SOX5: variants seen among roughly 807,000 people sequenced by gnomAD.
The protein encoded by SOX5 is transcription factor SOX-5.
A neutral mutation model predicts 92.0 loss-of-function variants in SOX5; 9 were observed. That is an observed-to-expected ratio of 0.10 (90% CI 0.06 to 0.17). The LOEUF (loss-of-function observed/expected upper bound fraction) is 0.17. Ranked by LOEUF, SOX5 falls within the 10% of genes least tolerant of loss-of-function variation. The pLI is 1.00. For missense variants in SOX5, 642 were observed against 944.5 expected (o/e 0.68, Z 4.20); for synonymous variants, 344 against 336.3 (o/e 1.02, Z -0.25).
chr12:24,129,419 C>G (rs1322830733), intron 4 of SOX5, among the ~76,000 whole-genome samples: 1 of 152,058 alleles, frequency 6.6e-6, no homozygotes. Context: ...TGATCAAAAC[C>G]CCTTTTCTTT....
At chr12:24,150,859 A>T (rs1951582173) in intron 4 of SOX5, among the ~76,000 whole-genome samples, 1 of 152,014 alleles carries the variant, frequency 6.6e-6, no homozygotes, top group Non-Finnish European at 1.5e-5. Flanking sequence ...CTGGTGGCAA[A>T]GGCAAGATCT....
chr12:23,605,183 G>A (rs1676387752), intron 8 of SOX5, among the ~76,000 whole-genome samples: 1 of 151,898 alleles, frequency 6.6e-6, no homozygotes, highest in South Asian at 2.1e-4. Context: ...AAAGAATACT[G>A]CCTAAAACAC....
At chr12:23,598,688 C>T (rs987063038) in intron 9 of SOX5, among the ~76,000 whole-genome samples, 15 of 152,162 alleles carry the variant, frequency 9.9e-5, no homozygotes, top group African/African-American at 2.9e-4. Context: ...TGTGAGCCAA[C>T]GCACCCGGCC....
chr12:23,667,157 CA>C (rs2139466508), intron 6 of SOX5, among the ~76,000 whole-genome samples: 1 of 151,890 alleles, frequency 6.6e-6, no homozygotes, highest in African/African-American at 2.4e-5. Context: ...GAGAGAAAAG[CA>C]ATATGTGAAT....
chr12:24,404,494 C>T (rs986287915), intron 1 of SOX5, among the ~76,000 whole-genome samples: 3 of 152,144 alleles, frequency 2.0e-5, no homozygotes, highest in African/African-American at 7.2e-5. Context: ...TTGTGCAAGG[C>T]TTGCTGTTCT....
At chr12:24,134,959 A>T (rs1041037080) in intron 4 of SOX5, among the ~76,000 whole-genome samples, 4 of 152,168 alleles carry the variant, frequency 2.6e-5, no homozygotes, top group Non-Finnish European at 5.9e-5. Flanking sequence ...AAAAGTTAAA[A>T]TCTGTCCTGG....
chr12:23,765,385 CAAAAAAAAAAAA>C (rs373571301), intron 3 of SOX5, among the ~76,000 whole-genome samples: 4 of 31,432 alleles, frequency 1.3e-4, no homozygotes, highest in Non-Finnish European at 2.0e-4. Context: ...TGTAAAACAG[CAAAAAAAAAAAA>C]AAAAAAAAAA....
intron 4 of SOX5, among the ~76,000 whole-genome samples, chr12:23,987,826 C>T (rs1950202026): frequency 6.6e-6 from 1 of 152,106 alleles, no homozygotes; most frequent in Middle Eastern, 3.4e-3. Flanking sequence ...TTCTAAGACA[C>T]ATGGTAAAAT....
At chr12:24,494,106 C>T (rs929920542) in intron 1 of SOX5, among the ~76,000 whole-genome samples, 1 of 152,238 alleles carries the variant, frequency 6.6e-6, no homozygotes, top group Non-Finnish European at 1.5e-5. Context: ...TTCAGCCTTA[C>T]AAAAGGATAG....
intron 1 of SOX5, among the ~76,000 whole-genome samples, chr12:23,942,906 CACTT>C (rs1366769276): frequency 2.0e-5 from 3 of 152,022 alleles, no homozygotes; most frequent in Non-Finnish European, 4.4e-5. Flanking sequence ...TTCTAAAACA[CACTT>C]TCTTTCAAAG....
intron 3 of SOX5, among the ~76,000 whole-genome samples, chr12:24,239,065 G>C (rs1594686575): frequency 6.6e-6 from 1 of 152,048 alleles, no homozygotes; most frequent in African/African-American, 2.4e-5. Context: ...TTTTGGTCAG[G>C]GTGAGACAAA....
intron 2 of SOX5, among the ~76,000 whole-genome samples, chr12:23,868,084 C>T (rs1233101697): frequency 6.6e-6 from 1 of 151,400 alleles, no homozygotes. Flanking sequence ...TCCCTCTCTC[C>T]CTCCTTCCTT....
At chr12:24,102,791 T>A (rs1946239246) in intron 4 of SOX5, among the ~76,000 whole-genome samples, 1 of 152,250 alleles carries the variant, frequency 6.6e-6, no homozygotes, top group Non-Finnish European at 1.5e-5. Context: ...TTGAATGAAG[T>A]ACAGGGCAGT....
chr12:24,370,478 A>AAAAAAAAG, intron 1 of SOX5, among the ~76,000 whole-genome samples: 1 of 145,160 alleles, frequency 6.9e-6, no homozygotes. Flanking sequence ...CTCCGTCTCA[A>AAAAAAAAG]AAAAAAAAAA....
At chr12:24,281,951 TTCCTCGATGCGATTTCCGGGGCA>T (rs1945257007) in intron 2 of SOX5, among the ~76,000 whole-genome samples, 1 of 135,186 alleles carries the variant, frequency 7.4e-6, no homozygotes, top group South Asian at 2.3e-4. Flanking sequence ...GAAAACTGTG[TTCCTCGATGCGATTTCCGGGGCA>T]TCACCTACTC....
intron 2 of SOX5, among the ~76,000 whole-genome samples, chr12:24,358,634 T>A (rs1221316922): frequency 1.3e-5 from 2 of 152,012 alleles, no homozygotes; most frequent in Admixed American, 6.6e-5. Flanking sequence ...AATTGTCCTT[T>A]CACTGTCTTC....
chr12:24,207,041 A>G (rs1958093031), intron 4 of SOX5, among the ~76,000 whole-genome samples: 1 of 152,232 alleles, frequency 6.6e-6, no homozygotes, highest in Non-Finnish European at 1.5e-5. Context: ...ACTTCTGTCC[A>G]AAAACTTCTC....
intron 4 of SOX5, among the ~76,000 whole-genome samples, chr12:24,187,864 A>C (rs1169616584): frequency 1.3e-5 from 2 of 152,226 alleles, no homozygotes; most frequent in Non-Finnish European, 2.9e-5. Context: ...CCGTGGCTTA[A>C]GGACAAGCCA....
At position 23,685,543 on chromosome 12, in the gene SOX5, G is replaced by A. The variant is rs74892907; in HGVS notation, c.811-19979C>T. ...ATTATCCAAAGGTTCTAAATGCCCA[G>A]ATTATTCACTTCTTAAAGTATGTTA... On this transcript the variant is annotated intron_variant, in intron 6 of 14. Coordinates refer to ENST00000451604, the MANE Select transcript of SOX5 (RefSeq NM_006940.6). 4.7e-3 allele frequency among the ~76,000 whole-genome samples: 712 copies of A among 152,104 alleles called. 17 individuals are homozygous for A. In the East Asian group the frequency reaches 0.056, roughly 12 times the overall value.
Sources: gnomAD v4.1 joint callset for allele counts (sites outside exome capture counted in the v4.1 genomes callset) on GRCh38, gnomAD v4.1.1 for gene constraint, MANE v1.5 for transcripts, NCBI Gene and HGNC (gene_info 2026-07-23, HGNC 2026-07-21) for gene names.